ATP6V1B1: variants seen among roughly 807,000 people sequenced by gnomAD.
ATP6V1B1 encodes V-type proton ATPase subunit B, kidney isoform.
ATP6V1B1 carries 41 observed loss-of-function variants against 62.1 expected under a neutral mutation model. The observed-to-expected ratio is 0.66, with a 90% CI of 0.51 to 0.86. The LOEUF is 0.86. Among genes scored for constraint, ATP6V1B1 ranks in the 40% least tolerant of loss-of-function variants. The pLI is 0.00. For missense variants in ATP6V1B1, 651 were observed against 697.5 expected (o/e 0.93, Z 0.75); for synonymous variants, 253 against 273.4 (o/e 0.93, Z 0.74).
chr2:70,962,896 G>C lies in ATP6V1B1; in HGVS notation c.905G>C (p.Arg302Pro), dbSNP rs782461130. The change falls in exon 9 of 14, where the codon CGG becomes CCG. Residue 302 changes from arginine (R) to proline (P), a missense_variant. Transcript: ENST00000234396. ...ATGAGTTCCTATGCAGAGGCCTTGC[G>C]GGAGGTAAGCTGGCTAGCAAGGGGT... The part of the protein sequence containing the change: ...TDMSSYAEAL[R>P]EVSAAREEVP... 1.9e-5 allele frequency: 30 copies of C among 1,613,852 alleles called. No individual in the cohort carries two copies. The Admixed American group carries it at 4.8e-4, about 26-fold the overall frequency.
chr2:70,957,090 T>C (rs1194231120), intron 2 of ATP6V1B1, among the ~76,000 whole-genome samples: 122 of 123,030 alleles, frequency 9.9e-4, no homozygotes, highest in African/African-American at 4.1e-3. Flanking sequence ...TCTTCTTCTT[T>C]TTTTTTTTTT....
chr2:70,950,293 CT>C (rs1680290756), intron 2 of ATP6V1B1, among the ~76,000 whole-genome samples: 1 of 152,044 alleles, frequency 6.6e-6, no homozygotes, highest in Non-Finnish European at 1.5e-5. Flanking sequence ...TTTTTCATAA[CT>C]ACTTTGGCTA....
At chr2:70,943,601 T>C in intron 1 of ATP6V1B1, 57 bp from the exon 2 acceptor site, 2 of 1,558,594 alleles carry the variant, frequency 1.3e-6, no homozygotes, top group Non-Finnish European at 1.8e-6. Flanking sequence ...GATGCCTCTG[T>C]GTGTGTGAGC....
At chr2:70,938,677 G>C (rs895972321) in intron 1 of ATP6V1B1, 1 of 985,332 alleles carries the variant, frequency 1.0e-6, no homozygotes, top group Non-Finnish European at 1.2e-6. Flanking sequence ...CCTTGGGAAA[G>C]AAGGGTCCCC....
chr2:70,962,554 C>T (rs1553420262), intron 8 of ATP6V1B1, among the ~76,000 whole-genome samples: 1 of 152,222 alleles, frequency 6.6e-6, no homozygotes, highest in Non-Finnish European at 1.5e-5. Flanking sequence ...CAGCCCCTGT[C>T]CCCTTTCCTA....
intron 3 of ATP6V1B1, 66 bp downstream of exon 3, chr2:70,958,210 ATC>A (rs1680491755): frequency 6.3e-7 from 1 of 1,593,302 alleles, no homozygotes; most frequent in African/African-American, 1.3e-5. Flanking sequence ...TTCCCACACT[ATC>A]TACAAACTCT....
At chr2:70,941,754 A>C in intron 1 of ATP6V1B1, 1 of 985,848 alleles carries the variant, frequency 1.0e-6, no homozygotes, top group Non-Finnish European at 1.2e-6. Flanking sequence ...AGGAAAGGAG[A>C]GGAAGAAGTG....
intron 2 of ATP6V1B1, among the ~76,000 whole-genome samples, chr2:70,956,391 C>G (rs35548872): frequency 0.024 from 3,725 of 152,274 alleles, 144 homozygotes; most frequent in African/African-American, 0.081. Context: ...CCAGGGCAGT[C>G]CCTTCCTTTT....
chr2:70,965,246 G>T lies in ATP6V1B1; in HGVS notation c.*125G>T. 7.3e-7 allele frequency: 1 copy of T among 1,377,134 alleles called. No homozygotes were observed. The allele number at this position is 1,377,134 out of a possible 1,614,324, so 85.3% of individuals were successfully genotyped here. On this transcript the variant is annotated 3_prime_UTR_variant, in exon 14 of 14. Transcript: ENST00000234396. ...TCCGCCCTCCGCTGGCTCCGAGGTGGTGGGGGCGCCGCACGCTCCATCCCT... is the reference window on the plus strand; with the variant it reads ...TCCGCCCTCCGCTGGCTCCGAGGTGTTGGGGGCGCCGCACGCTCCATCCCT...
chr2:70,958,407 G>A lies in ATP6V1B1; in HGVS notation c.348G>A (p.Pro116=), dbSNP rs145734697. 100 of 1,613,858 alleles carry A rather than the reference G, an allele frequency of 6.2e-5. No individual in the cohort carries two copies. The highest frequency in any genetic ancestry group is 6.2e-5 in the Non-Finnish European group (73 of 1,179,952). ...TTACAGGGGACATCCTACGAACTCCGGTGTCAGAGGACATGCTGGGTGAGG... is the reference window on the plus strand; with the variant it reads ...TTACAGGGGACATCCTACGAACTCCAGTGTCAGAGGACATGCTGGGTGAGG... The part of the protein sequence containing the change: ...CEFTGDILRT[P]VSEDMLGRVF... Residue 116 remains proline (P), a synonymous_variant, in exon 4 of 14, where the codon CCG becomes CCA. Coordinates refer to ENST00000234396, the MANE Select transcript of ATP6V1B1 (RefSeq NM_001692.4).
intron 1 of ATP6V1B1, among the ~76,000 whole-genome samples, chr2:70,936,727 G>A (rs983169537): frequency 6.6e-6 from 1 of 152,158 alleles, no homozygotes; most frequent in Non-Finnish European, 1.5e-5. Context: ...ATGTACGTGT[G>A]TGCATGTGCA....
intron 8 of ATP6V1B1, among the ~76,000 whole-genome samples, chr2:70,962,009 ACTG>A (rs1680599926): frequency 1.8e-5 from 1 of 54,114 alleles, no homozygotes; most frequent in Admixed American, 2.1e-4. Context: ...AGAAGATCAA[ACTG>A]CTATTATAAA....
In ATP6V1B1 at chr2:70,943,655, C is replaced by A; in HGVS notation, c.119-3C>A. 1 of 1,613,834 alleles carries A rather than the reference C, an allele frequency of 6.2e-7. No homozygotes were observed. The highest frequency in any genetic ancestry group is 8.5e-7 in the Non-Finnish European group (1 of 1,179,938). ...CCCCTACTCACCCCCGCCCCTCCCC[C>A]AGCCTACAGGACTGTGTGCAGCGTG... is the stretch of plus-strand genomic sequence containing the variant. On this transcript the variant is annotated splice_polypyrimidine_tract_variant and splice_region_variant and intron_variant, in intron 1 of 13. Coordinates refer to ENST00000234396, the MANE Select transcript of ATP6V1B1 (RefSeq NM_001692.4).
chr2:70,957,234 C>T (rs2104823989), intron 2 of ATP6V1B1, among the ~76,000 whole-genome samples: 1 of 132,564 alleles, frequency 7.5e-6, no homozygotes, highest in Non-Finnish European at 1.6e-5. Flanking sequence ...TACAGGTGTG[C>T]ACCACCACAC....
At chr2:70,936,208 C>T in intron 1 of ATP6V1B1, 136 bp downstream of exon 1, 3 of 928,066 alleles carry the variant, frequency 3.2e-6, no homozygotes, top group South Asian at 1.7e-5. Context: ...GGCTCTCTGT[C>T]CAGCAGAGTG....
chr2:70,946,207 G>A (rs887896863), intron 2 of ATP6V1B1, among the ~76,000 whole-genome samples: 1 of 152,144 alleles, frequency 6.6e-6, no homozygotes, highest in Non-Finnish European at 1.5e-5. Context: ...CAAAACCTGA[G>A]CCAACAATAT....
chr2:70,939,612 C>G (rs1336021829), intron 1 of ATP6V1B1: 1 of 152,254 alleles, frequency 6.6e-6, no homozygotes, highest in Non-Finnish European at 1.5e-5. Context: ...GTCAAGGACA[C>G]CTCTGTTGCT....
chr2:70,963,382 G>T lies in ATP6V1B1; in HGVS notation c.1060+70G>T. 1 of 1,609,172 alleles carries T rather than the reference G, an allele frequency of 6.2e-7. No homozygotes were observed. Among genetic ancestry groups the T allele is most frequent in the Non-Finnish European group, 8.5e-7 (1 of 1,177,062 alleles). ...CCCTTTTCCAACCAGATACTTAAAG[G>T]GCCCACGTTGCTTTGCACAGATGTG... On this transcript the variant is annotated intron_variant, in intron 10 of 13. Coordinates refer to ENST00000234396, the MANE Select transcript of ATP6V1B1 (RefSeq NM_001692.4). The surrounding 1 kb of genome is among the most constrained non-coding windows in gnomAD (Gnocchi z 4.3).
intron 1 of ATP6V1B1, chr2:70,941,231 G>A (rs1679998404): frequency 4.1e-6 from 4 of 970,000 alleles, no homozygotes; most frequent in South Asian, 9.5e-5. Flanking sequence ...TATTTCTTGA[G>A]TGTGTACCAT....
Sources: gnomAD v4.1 joint callset for allele counts (sites outside exome capture counted in the v4.1 genomes callset) on GRCh38, gnomAD v4.1.1 for gene constraint, Gnocchi (gnomAD v3.1) non-coding constraint, MANE v1.5 for transcripts, NCBI Gene and HGNC (gene_info 2026-07-23, HGNC 2026-07-21) for gene names.